The following PALM2AKAP2 variants were observed in gnomAD, a reference collection of about 807,000 sequenced individuals.
The protein encoded by PALM2AKAP2 is PALM2 and AKAP2 fusion.
PALM2AKAP2 carries 37 observed loss-of-function variants against 71.5 expected under a neutral mutation model. That is an observed-to-expected ratio of 0.52 (90% CI 0.40 to 0.68). PALM2AKAP2 has a LOEUF of 0.68. Ranked by LOEUF, PALM2AKAP2 falls within the 30% of genes least tolerant of loss-of-function variation. PALM2AKAP2 has a pLI of 0.00. For synonymous variants in PALM2AKAP2, 468 were observed against 478.8 expected, an observed-to-expected ratio of 0.98 and a Z score of 0.29; for missense variants, 1,224 against 1,191.8, an observed-to-expected ratio of 1.03 and a Z score of -0.40.
intron 1 of PALM2AKAP2, among the ~76,000 whole-genome samples, chr9:109,857,641 A>T (rs1829202441): frequency 6.6e-6 from 1 of 152,204 alleles, no homozygotes; most frequent in Non-Finnish European, 1.5e-5. Context: ...AGTAGCTCTG[A>T]ACATGTCTCT....
At chr9:109,750,474 A>C (rs897378380) in intron 1 of PALM2AKAP2, among the ~76,000 whole-genome samples, 3 of 152,176 alleles carry the variant, frequency 2.0e-5, no homozygotes, top group Admixed American at 6.5e-5. Flanking sequence ...AAAATCATGC[A>C]ATGCTAAGTA....
chr9:109,939,378 G>A (rs1452458775), intron 6 of PALM2AKAP2, among the ~76,000 whole-genome samples: 4 of 150,118 alleles, frequency 2.7e-5, no homozygotes, highest in African/African-American at 9.7e-5. Flanking sequence ...GTGGGAAGAG[G>A]GAGAGGGATA....
At chr9:109,859,301 G>C (rs1374388836) in intron 1 of PALM2AKAP2, among the ~76,000 whole-genome samples, 1 of 152,180 alleles carries the variant, frequency 6.6e-6, no homozygotes, top group East Asian at 1.9e-4. Context: ...GGATGAGAGA[G>C]GTTGGTTAAT....
chr9:109,781,421 A>G (rs1363913210), intron 1 of PALM2AKAP2, among the ~76,000 whole-genome samples: 1 of 152,244 alleles, frequency 6.6e-6, no homozygotes, highest in Non-Finnish European at 1.5e-5. Context: ...AGGTCCGTTA[A>G]CATATTGGCA....
At chr9:110,093,050 G>C (rs944192776) in intron 1 of PALM2AKAP2, among the ~76,000 whole-genome samples, 2 of 152,196 alleles carry the variant, frequency 1.3e-5, no homozygotes, top group Non-Finnish European at 2.9e-5. Context: ...TGAAGGTAGA[G>C]AGTGGCAGAA....
chr9:110,078,471 A>C (rs2118669678), intron 1 of PALM2AKAP2, among the ~76,000 whole-genome samples: 1 of 152,302 alleles, frequency 6.6e-6, no homozygotes, highest in African/African-American at 2.4e-5. Flanking sequence ...TTTAGCACTT[A>C]TGAATTTTTA....
At chr9:110,000,166 C>A (rs1444946471) in intron 6 of PALM2AKAP2, among the ~76,000 whole-genome samples, 1 of 148,284 alleles carries the variant, frequency 6.7e-6, no homozygotes, top group Admixed American at 6.7e-5. Flanking sequence ...CCCCCCTCCC[C>A]CCACCACACA....
Position 109,658,561 on chromosome 9 carries a change from T to C in PALM2AKAP2, c.5+17695T>C, listed in dbSNP as rs372506544. 4.3e-4 allele frequency among the ~76,000 whole-genome samples: 66 copies of C among 152,302 alleles called. 2 individuals carry two copies. The South Asian group carries it at 0.013, about 30-fold the overall frequency. ...AAGAAAGTTATTTTATTAGTTCACT[T>C]ACATACTGCTGATAAAGACATACCT... is the stretch of plus-strand genomic sequence containing the variant. On this transcript the variant is annotated intron_variant, in intron 1 of 6. Transcript: ENST00000374531.
intron 2 of PALM2AKAP2, among the ~76,000 whole-genome samples, chr9:109,868,753 A>T (rs1337353198): frequency 6.6e-6 from 1 of 152,236 alleles, no homozygotes; most frequent in Non-Finnish European, 1.5e-5. Context: ...GCAGCATGAT[A>T]CTAAGGATAT....
chr9:110,011,508 T>A (rs889240633), intron 6 of PALM2AKAP2, among the ~76,000 whole-genome samples: 2 of 152,148 alleles, frequency 1.3e-5, no homozygotes, highest in African/African-American at 4.8e-5. Context: ...GCTGAGGGGA[T>A]TACAAATCAG....
chr9:109,679,408 C>A (rs1827693396), intron 1 of PALM2AKAP2, among the ~76,000 whole-genome samples: 1 of 152,150 alleles, frequency 6.6e-6, no homozygotes, highest in African/African-American at 2.4e-5. Flanking sequence ...GGATATAGAC[C>A]TTGTCTTTCA....
At chr9:109,794,646 C>T (rs73655506) in intron 1 of PALM2AKAP2, among the ~76,000 whole-genome samples, 1 of 152,086 alleles carries the variant, frequency 6.6e-6, no homozygotes. Context: ...AAAAGTTGCC[C>T]ATGGCCAGTG....
chr9:110,120,610 C>A (rs574251880), intron 1 of PALM2AKAP2, among the ~76,000 whole-genome samples: 2 of 152,352 alleles, frequency 1.3e-5, no homozygotes, highest in South Asian at 4.1e-4. Context: ...TCAAGTGATT[C>A]TCCTGCCCTC....
intron 6 of PALM2AKAP2, among the ~76,000 whole-genome samples, chr9:109,998,320 T>A (rs965237595): frequency 6.6e-5 from 10 of 152,274 alleles, no homozygotes; most frequent in Non-Finnish European, 1.3e-4. Context: ...GTATCTCTCC[T>A]TGAAACCCAA....
chr9:110,020,951 T>C (rs892778416), intron 7 of PALM2AKAP2, among the ~76,000 whole-genome samples: 1 of 151,790 alleles, frequency 6.6e-6, no homozygotes, highest in Admixed American at 6.6e-5. Flanking sequence ...CTACTAAAAA[T>C]ACAAAAAAAT....
intron 3 of PALM2AKAP2, among the ~76,000 whole-genome samples, chr9:109,892,071 A>G (rs894423073): frequency 6.6e-6 from 1 of 152,140 alleles, no homozygotes. Flanking sequence ...TTGGTTACCT[A>G]CTGTGTTCAT....
At chr9:109,706,915 GGAAGT>G (rs1390311566) in intron 1 of PALM2AKAP2, among the ~76,000 whole-genome samples, 1 of 152,078 alleles carries the variant, frequency 6.6e-6, no homozygotes, top group Non-Finnish European at 1.5e-5. Flanking sequence ...GGCTGGGGTG[GGAAGT>G]GACTACTAAG....
At chr9:109,717,709 T>G (rs1434069409) in intron 1 of PALM2AKAP2, among the ~76,000 whole-genome samples, 1 of 152,260 alleles carries the variant, frequency 6.6e-6, no homozygotes, top group East Asian at 1.9e-4. Context: ...GAGCCTGTCC[T>G]ACAAAGCCTT....
intron 1 of PALM2AKAP2, among the ~76,000 whole-genome samples, chr9:110,122,229 C>T (rs1334645349): frequency 3.3e-5 from 5 of 152,174 alleles, no homozygotes; most frequent in African/African-American, 4.8e-5. Flanking sequence ...GGTCTCACTA[C>T]GTTGCCCAGG....
Sources: gnomAD v4.1 joint callset for allele counts (sites outside exome capture counted in the v4.1 genomes callset) on GRCh38, gnomAD v4.1.1 for gene constraint, MANE v1.5 for transcripts, NCBI Gene and HGNC (gene_info 2026-07-23, HGNC 2026-07-21) for gene names.